Variants in PHACTR3 observed in about 807,000 individuals in gnomAD.
PHACTR3 encodes protein phosphatase 1, regulatory subunit 123.
A neutral mutation model predicts 66.8 loss-of-function variants in PHACTR3; 16 were observed. The ratio of observed to expected loss-of-function variants is 0.24; its 90% CI spans 0.16 to 0.36. The LOEUF is 0.36. PHACTR3 is among the 10% of genes least tolerant of loss of function. The pLI is 1.00. For missense variants in PHACTR3, 647 were observed against 719.9 expected (o/e 0.90, Z 1.16); for synonymous variants, 323 against 292.1 (o/e 1.11, Z -1.08).
Position 59,743,110 on chromosome 20 carries a change from A to G in PHACTR3, c.122A>G (p.Glu41Gly). 1 of 1,612,968 alleles carries G rather than the reference A, an allele frequency of 6.2e-7. No individual in the cohort carries two copies. Among genetic ancestry groups the G allele is most frequent in the South Asian group, 1.1e-5 (1 of 90,926 alleles). ...SSADAGENPD[E>G]MDQTPPARPE... is the part of the protein sequence containing the mutation. ...CCCCTTGGTTTTCGTCTTCCAGATG[A>G]GATGGACCAAACGCCCCCGGCGCGT... The change falls in exon 2 of 13, where the codon GAG becomes GGG. Residue 41 changes from glutamate to glycine, a missense_variant. This residue lies in a region of PHACTR3 where 577 missense variants were observed against 571.1 expected (regional missense o/e 1.01). Coordinates refer to ENST00000371015, the MANE Select transcript of PHACTR3 (RefSeq NM_080672.5).
At chr20:59,636,193 C>T (rs2034896503) in intron 1 of PHACTR3, among the ~76,000 whole-genome samples, 1 of 152,202 alleles carries the variant, frequency 6.6e-6, no homozygotes, top group African/African-American at 2.4e-5. Flanking sequence ...GGTCATTTCT[C>T]TTGCTTCTTT....
chr20:59,598,169 C>T (rs964729888), intron 1 of PHACTR3, among the ~76,000 whole-genome samples: 1 of 152,224 alleles, frequency 6.6e-6, no homozygotes, highest in African/African-American at 2.4e-5. Context: ...GGTTGTGTTT[C>T]TCTGCTCTGG....
At chr20:59,758,606 C>T (rs1265894385) in intron 4 of PHACTR3, among the ~76,000 whole-genome samples, 8 of 152,142 alleles carry the variant, frequency 5.3e-5, no homozygotes, top group Admixed American at 4.6e-4. Context: ...GGTTGGGGAG[C>T]GTGCTCTACT....
At chr20:59,714,517 G>T (rs1178646686) in intron 1 of PHACTR3, among the ~76,000 whole-genome samples, 1 of 152,160 alleles carries the variant, frequency 6.6e-6, no homozygotes, top group African/African-American at 2.4e-5. Context: ...CTATTTCTGG[G>T]CTCCATGTTC....
chr20:59,652,372 C>G (rs933958225), intron 1 of PHACTR3, among the ~76,000 whole-genome samples: 5 of 152,076 alleles, frequency 3.3e-5, no homozygotes, highest in Non-Finnish European at 7.4e-5. Flanking sequence ...AACAAGACCC[C>G]ATCTCTGAAA....
intron 1 of PHACTR3, among the ~76,000 whole-genome samples, chr20:59,678,527 C>G (rs890068675): frequency 6.6e-6 from 1 of 152,016 alleles, no homozygotes; most frequent in East Asian, 1.9e-4. Flanking sequence ...GTTGATGATC[C>G]GAAGCTCTTG....
chr20:59,758,282 T>G (rs2039877827), intron 4 of PHACTR3, among the ~76,000 whole-genome samples: 1 of 152,150 alleles, frequency 6.6e-6, no homozygotes, highest in Admixed American at 6.5e-5. Flanking sequence ...ATGAAAAAGT[T>G]TAAACATTAA....
chr20:59,694,242 G>C (rs1000443249), intron 1 of PHACTR3, among the ~76,000 whole-genome samples: 2 of 152,108 alleles, frequency 1.3e-5, no homozygotes, highest in African/African-American at 4.8e-5. Flanking sequence ...CAGTCCTTCA[G>C]GTGAGAGGCT....
intron 7 of PHACTR3, among the ~76,000 whole-genome samples, chr20:59,777,939 A>G (rs2040593694): frequency 6.6e-6 from 1 of 152,014 alleles, no homozygotes; most frequent in Admixed American, 6.6e-5. Flanking sequence ...TGCATTGCAT[A>G]GCTTACATCT....
In PHACTR3 at chr20:59,830,017, C is replaced by T. The variant is rs543362906; in HGVS notation, c.1329-6488C>T. On this transcript the variant is annotated intron_variant, in intron 8 of 12. Coordinates refer to ENST00000371015, the MANE Select transcript of PHACTR3 (RefSeq NM_080672.5). The surrounding 1 kb of genome is among the most constrained non-coding windows in gnomAD (Gnocchi z 5.8). ...TACCTGCAGCCCCTGCTGCTGTGCT[C>T]ATCATGCAGGAAGGCAGTCAGCTGA... is the stretch of plus-strand genomic sequence containing the variant. Among the ~76,000 whole-genome samples, 18 of 152,322 alleles carry T rather than the reference C, an allele frequency of 1.2e-4. No individual in the cohort carries two copies. The highest frequency in any genetic ancestry group is 1.9e-4 in the East Asian group (1 of 5,172).
intron 1 of PHACTR3, among the ~76,000 whole-genome samples, chr20:59,625,532 T>C (rs117420072): frequency 0.027 from 4,149 of 152,186 alleles, 77 homozygotes; most frequent in Middle Eastern, 0.071. Flanking sequence ...TTAAGAGATA[T>C]CATTTGTAGG....
chr20:59,786,432 C>T (rs1568821466), intron 7 of PHACTR3, among the ~76,000 whole-genome samples: 1 of 152,226 alleles, frequency 6.6e-6, no homozygotes, highest in Non-Finnish European at 1.5e-5. Context: ...CTGCTGTGGC[C>T]TCCTGCTCCT....
chr20:59,648,871 G>C (rs2035370629), intron 1 of PHACTR3, among the ~76,000 whole-genome samples: 1 of 152,214 alleles, frequency 6.6e-6, no homozygotes, highest in East Asian at 1.9e-4. Flanking sequence ...TCCCCCATAG[G>C]AGGGACTGGG....
At chr20:59,817,013 A>T (rs1479535611) in intron 8 of PHACTR3, among the ~76,000 whole-genome samples, 1 of 152,228 alleles carries the variant, frequency 6.6e-6, no homozygotes, top group African/African-American at 2.4e-5. Context: ...CCATCCATCC[A>T]TGCAACTGTC....
intron 1 of PHACTR3, among the ~76,000 whole-genome samples, chr20:59,681,162 A>G (rs1260347336): frequency 1.3e-5 from 2 of 151,864 alleles, no homozygotes; most frequent in Non-Finnish European, 2.9e-5. Context: ...GGCAGAGACC[A>G]TAGATCCACA....
intron 7 of PHACTR3, among the ~76,000 whole-genome samples, chr20:59,793,408 C>G (rs1031683146): frequency 6.6e-6 from 1 of 152,170 alleles, no homozygotes; most frequent in South Asian, 2.1e-4. Context: ...TTATTCTTCC[C>G]AGCCATGGAC....
intron 1 of PHACTR3, among the ~76,000 whole-genome samples, chr20:59,640,582 T>A (rs1030922509): frequency 6.6e-6 from 1 of 152,208 alleles, no homozygotes. Flanking sequence ...CTCATTATGA[T>A]GACATGGGCA....
At chr20:59,843,081 ACTAG>A (rs1600761928) in intron 11 of PHACTR3, among the ~76,000 whole-genome samples, 1 of 152,240 alleles carries the variant, frequency 6.6e-6, no homozygotes, top group East Asian at 1.9e-4. Context: ...CTAATAATGG[ACTAG>A]CTAAGAAAGA....
intron 5 of PHACTR3, among the ~76,000 whole-genome samples, chr20:59,770,982 C>T (rs933954629): frequency 1.3e-5 from 2 of 152,324 alleles, no homozygotes; most frequent in African/African-American, 4.8e-5. Context: ...CCTGAGGTGG[C>T]TTCTGAACCT....
Sources: allele counts gnomAD v4.1 joint callset (sites outside exome capture counted in the v4.1 genomes callset), GRCh38; gene constraint gnomAD v4.1.1; regional missense constraint gnomAD v4.1.1; non-coding constraint Gnocchi (gnomAD v3.1); transcripts MANE v1.5; gene names NCBI Gene and HGNC (gene_info 2026-07-23, HGNC 2026-07-21).